Variants in SCLT1 observed in about 807,000 individuals in gnomAD.
SCLT1 encodes the protein sodium channel-associated protein 1.
Under a neutral mutation model 112.8 loss-of-function variants are expected in SCLT1, and 78 were observed. The observed-to-expected ratio is 0.69, with a 90% CI of 0.58 to 0.83. The LOEUF is 0.83. Among genes scored for constraint, SCLT1 ranks in the 40% least tolerant of loss-of-function variants. The pLI is 0.00. For synonymous variants in SCLT1, 257 were observed against 254.7 expected, an observed-to-expected ratio of 1.01 and a Z score of -0.09; for missense variants, 747 against 770.4, an observed-to-expected ratio of 0.97 and a Z score of 0.36.
chr4:129,034,501 C>T (rs900729718), intron 5 of SCLT1, among the ~76,000 whole-genome samples: 4 of 149,792 alleles, frequency 2.7e-5, no homozygotes, highest in African/African-American at 9.8e-5. Flanking sequence ...GATTCATATA[C>T]TAACTACTTT....
chr4:128,952,894 A>C (rs1436581314), intron 13 of SCLT1, 54 bp from the exon 14 acceptor site: 1 of 883,572 alleles, frequency 1.1e-6, no homozygotes, highest in Non-Finnish European at 1.9e-6. Flanking sequence ...AATGATTAAT[A>C]TCTGATAAAA....
chr4:128,876,948 T>C (rs1351279240), intron 3 of SCLT1, among the ~76,000 whole-genome samples: 1 of 152,256 alleles, frequency 6.6e-6, no homozygotes, highest in Non-Finnish European at 1.5e-5. Context: ...TAATATTTTT[T>C]GCTTCGATCC....
intron 10 of SCLT1, among the ~76,000 whole-genome samples, chr4:128,967,618 TTTTTCA>T (rs1740321921): frequency 6.6e-6 from 1 of 152,232 alleles, no homozygotes; most frequent in Non-Finnish European, 1.5e-5. Context: ...TGTTGAGCAT[TTTTTCA>T]TTTGCTTGTT....
intron 11 of SCLT1, among the ~76,000 whole-genome samples, chr4:128,964,079 C>A (rs930445314): frequency 3.3e-5 from 5 of 152,114 alleles, no homozygotes; most frequent in Admixed American, 3.3e-4. Flanking sequence ...TGTGGCTCAA[C>A]TTGTACAAAG....
chr4:129,008,163 C>T (rs1430704449), intron 5 of SCLT1, among the ~76,000 whole-genome samples: 1 of 152,066 alleles, frequency 6.6e-6, no homozygotes, highest in Non-Finnish European at 1.5e-5. Flanking sequence ...TCCATAGTTC[C>T]AAACTTTATT....
chr4:128,942,924 G>C, intron 17 of SCLT1, 72 bp downstream of exon 17: 1 of 1,132,504 alleles, frequency 8.8e-7, no homozygotes, highest in Non-Finnish European at 1.3e-6. Context: ...AAGATGTTTT[G>C]CTAGGTCTCT....
intron 5 of SCLT1, among the ~76,000 whole-genome samples, chr4:129,020,425 G>A (rs1026181086): frequency 1.3e-4 from 20 of 152,282 alleles, no homozygotes; most frequent in Admixed American, 5.9e-4. Context: ...TTATAATTTT[G>A]CATATTTTCT....
At chr4:128,973,322 C>A (rs1253733437) in intron 9 of SCLT1, among the ~76,000 whole-genome samples, 4 of 151,558 alleles carry the variant, frequency 2.6e-5, no homozygotes, top group Non-Finnish European at 4.4e-5. Context: ...AAGCAAGGAT[C>A]ACATCTTATT....
chr4:129,074,639 T>A (rs549759074), intron 2 of SCLT1, among the ~76,000 whole-genome samples: 1 of 152,320 alleles, frequency 6.6e-6, no homozygotes, highest in African/African-American at 2.4e-5. Context: ...AATAAAGGAA[T>A]AATTTAAAGA....
At chr4:128,970,860 C>A (rs967950183) in intron 9 of SCLT1, 4 of 155,296 alleles carry the variant, frequency 2.6e-5, no homozygotes, top group African/African-American at 4.8e-5. Context: ...AGATATACTG[C>A]TGATTGGACT....
intron 5 of SCLT1, among the ~76,000 whole-genome samples, chr4:129,034,109 C>G (rs566309888): frequency 6.6e-6 from 1 of 152,244 alleles, no homozygotes; most frequent in South Asian, 2.1e-4. Flanking sequence ...TCTGAAATTA[C>G]ATAAACACAT....
At chr4:129,027,478 G>A (rs184080962) in intron 5 of SCLT1, among the ~76,000 whole-genome samples, 8 of 152,180 alleles carry the variant, frequency 5.3e-5, no homozygotes, top group East Asian at 3.9e-4. Flanking sequence ...ATTCAACAAC[G>A]CTTCATGCCA....
intron 5 of SCLT1, among the ~76,000 whole-genome samples, chr4:129,020,702 A>C (rs1280719684): frequency 6.6e-6 from 1 of 152,204 alleles, no homozygotes; most frequent in Non-Finnish European, 1.5e-5. Context: ...CCACGTATAT[A>C]CTTATCATAT....
intron 5 of SCLT1, among the ~76,000 whole-genome samples, chr4:129,025,732 C>T (rs1354658741): frequency 6.6e-6 from 1 of 151,946 alleles, no homozygotes; most frequent in Non-Finnish European, 1.5e-5. Flanking sequence ...ACTAAATGCT[C>T]CAATTAAAAG....
chr4:129,062,872 T>C (rs1257671874), intron 2 of SCLT1, among the ~76,000 whole-genome samples: 1 of 152,318 alleles, frequency 6.6e-6, no homozygotes, highest in Non-Finnish European at 1.5e-5. Flanking sequence ...AAAGTCATCT[T>C]TGGGTGAATC....
intron 18 of SCLT1, among the ~76,000 whole-genome samples, chr4:128,931,188 T>C (rs1736730600): frequency 6.6e-6 from 1 of 152,054 alleles, no homozygotes; most frequent in Non-Finnish European, 1.5e-5. Context: ...TGTAATTTTT[T>C]TTTTCTCCAA....
intron 2 of SCLT1, among the ~76,000 whole-genome samples, chr4:129,068,909 C>A (rs1026404316): frequency 6.6e-6 from 1 of 152,112 alleles, no homozygotes; most frequent in African/African-American, 2.4e-5. Flanking sequence ...AGTTTCAGGT[C>A]TTAGATTTAA....
intron 5 of SCLT1, among the ~76,000 whole-genome samples, chr4:129,024,825 T>C (rs567578410): frequency 4.5e-4 from 68 of 152,078 alleles, no homozygotes; most frequent in Middle Eastern, 6.8e-3. Flanking sequence ...AATGTATAAC[T>C]AGAATAACCA....
chr4:129,005,530 G>A (rs958660896), intron 5 of SCLT1, among the ~76,000 whole-genome samples: 1 of 152,116 alleles, frequency 6.6e-6, no homozygotes, highest in African/African-American at 2.4e-5. Context: ...GTGCTGGAGA[G>A]GATGTGGAGA....
Sources: allele counts gnomAD v4.1 joint callset (sites outside exome capture counted in the v4.1 genomes callset), GRCh38; gene constraint gnomAD v4.1.1; transcripts MANE v1.5; gene names NCBI Gene and HGNC (gene_info 2026-07-23, HGNC 2026-07-21).